The following PSMD1 variants were observed in gnomAD, a reference collection of about 807,000 sequenced individuals.
PSMD1 encodes 26S proteasome non-ATPase regulatory subunit 1.
In PSMD1, 18 loss-of-function variants were observed where a neutral mutation model predicts 119.0. The observed-to-expected ratio is 0.15, with a 90% CI of 0.10 to 0.22. The LOEUF is 0.22. PSMD1 is among the 10% of genes least tolerant of loss of function. PSMD1 has a pLI of 1.00. For synonymous variants in PSMD1, 374 were observed against 396.6 expected (o/e 0.94, Z 0.68); for missense variants, 702 against 1,158.5 (o/e 0.61, Z 5.72).
At chr2:231,139,755 G>A (rs72983619) in intron 17 of PSMD1, among the ~76,000 whole-genome samples, 25,085 of 151,958 alleles carry the variant, frequency 0.17, 2,222 homozygotes, top group Non-Finnish European at 0.17. Context: ...GCAAATCACC[G>A]ATGTGCTATT....
At position 231,126,130 on chromosome 2, in the gene PSMD1, C is replaced by T. The variant is rs183829409; in HGVS notation, c.1884-12606C>T. ...TATGAAAATATTTTAAGGCAAGGTG[C>T]GGTGGCTCATTCCTGTAATTCCAGC... On this transcript the variant is annotated intron_variant, in intron 16 of 24. Coordinates refer to ENST00000308696, the MANE Select transcript of PSMD1 (RefSeq NM_002807.4). Among the ~76,000 whole-genome samples, 55 of 152,154 alleles carry T rather than the reference C, an allele frequency of 3.6e-4. No homozygotes were observed. The East Asian group carries it at 4.1e-3, about 11-fold the overall frequency.
chr2:231,123,576 C>T lies in PSMD1; in HGVS notation c.1884-15160C>T, dbSNP rs763406105. 9 of 1,614,104 alleles carry T rather than the reference C, an allele frequency of 5.6e-6. No individual in the cohort carries two copies. The highest frequency in any genetic ancestry group is 7.6e-6 in the Non-Finnish European group (9 of 1,179,960). On this transcript the variant is annotated intron_variant, in intron 16 of 24. Coordinates refer to ENST00000308696, the MANE Select transcript of PSMD1 (RefSeq NM_002807.4). ...TTCCACCAATTGTGGGTATTATCACCATGAGTATCAGAAGAGCTGCCCAGT... is the reference window on the plus strand; with the variant it reads ...TTCCACCAATTGTGGGTATTATCACTATGAGTATCAGAAGAGCTGCCCAGT...
intron 12 of PSMD1, among the ~76,000 whole-genome samples, chr2:231,081,144 TAAAAAAAAAAAA>T (rs368987456): frequency 3.4e-4 from 25 of 74,050 alleles, no homozygotes; most frequent in African/African-American, 1.2e-3. Context: ...AAACTCTGTC[TAAAAAAAAAAAA>T]AAAAAAAAAA....
rs746559456 is a variant in PSMD1 at position 231,077,056 on chromosome 2, C to G, written c.965C>G (p.Thr322Ser). 1.2e-6 allele frequency: 2 copies of G among 1,603,076 alleles called. No individual in the cohort carries two copies. The highest frequency in any genetic ancestry group is 1.7e-6 in the Non-Finnish European group (2 of 1,176,402). Reference sequence around the variant, plus strand: ...CAGAGTCCAGAGCCTAAGGACCAGACTTTGAAAATGATTAAAATTTTAAGT... The same window carrying G: ...CAGAGTCCAGAGCCTAAGGACCAGAGTTTGAAAATGATTAAAATTTTAAGT... ...PEASPEPKDQTLKMIKILSGE... is the reference protein window; with the variant it reads ...PEASPEPKDQSLKMIKILSGE... Residue 322 changes from threonine (T) to serine (S), a missense_variant, in exon 9 of 25, where the codon ACT becomes AGT. Thr to Ser is a moderately conservative substitution (Grantham distance 58). Around this residue, in one of 9 missense-constraint regions of PSMD1, gnomAD observed 69 missense variants for 71.6 expected, o/e 0.96. Coordinates refer to ENST00000308696, the MANE Select transcript of PSMD1 (RefSeq NM_002807.4).
rs904815435 is a variant in PSMD1, at chr2:231,057,113, C to G, written c.16+72C>G. 4.9e-6 allele frequency: 7 copies of G among 1,421,806 alleles called. No homozygotes were observed. In the Admixed American group the frequency reaches 9.1e-5, roughly 18 times the overall value. The allele number at this position is 1,421,806 out of a possible 1,614,324, so 88.1% of individuals were successfully genotyped here. A position where few individuals can be genotyped will look rare whatever the true frequency, so the allele number is the denominator to read the frequency against. Reference sequence around the variant, plus strand: ...CGCCGGCTTTTAGCTGAGTCAGGGCCGGTGACTGGGCGCCTCCCGGCGGAA... The same window carrying G: ...CGCCGGCTTTTAGCTGAGTCAGGGCGGGTGACTGGGCGCCTCCCGGCGGAA... On this transcript the variant is annotated intron_variant, in intron 1 of 24. Coordinates refer to ENST00000308696, the MANE Select transcript of PSMD1 (RefSeq NM_002807.4).
chr2:231,097,442 G>A (rs1345251458), intron 16 of PSMD1, among the ~76,000 whole-genome samples: 1 of 152,178 alleles, frequency 6.6e-6, no homozygotes, highest in African/African-American at 2.4e-5. Context: ...TTGGGATAAA[G>A]GTGCAACATT....
intron 18 of PSMD1, among the ~76,000 whole-genome samples, chr2:231,152,081 G>A (rs1484481608): frequency 6.6e-6 from 1 of 152,056 alleles, no homozygotes; most frequent in Non-Finnish European, 1.5e-5. Flanking sequence ...CCCCCAAAGT[G>A]CTGGGATTAC....
intron 1 of PSMD1, among the ~76,000 whole-genome samples, chr2:231,059,937 A>G (rs956556030): frequency 5.3e-5 from 8 of 152,258 alleles, no homozygotes; most frequent in East Asian, 3.8e-4. Context: ...AGCCAGGACA[A>G]CCATGTAACC....
intron 16 of PSMD1, chr2:231,123,288 C>T (rs1455529087): frequency 6.5e-6 from 5 of 763,726 alleles, no homozygotes; most frequent in South Asian, 1.5e-5. Flanking sequence ...GTTTACTTGC[C>T]GTATCTTTAA....
chr2:231,077,481 G>A (rs80047456), intron 9 of PSMD1, among the ~76,000 whole-genome samples: 3,308 of 151,972 alleles, frequency 0.022, 131 homozygotes, highest in African/African-American at 0.075. Context: ...CTCTTGAGCC[G>A]CTTGCTTCAG....
intron 16 of PSMD1, among the ~76,000 whole-genome samples, chr2:231,102,682 G>A (rs1228586574): frequency 6.6e-6 from 1 of 151,972 alleles, no homozygotes; most frequent in Non-Finnish European, 1.5e-5. Flanking sequence ...GAAGAGGAGA[G>A]GTTGGTCTTG....
At chr2:231,110,312 T>C (rs1302216364) in intron 16 of PSMD1, among the ~76,000 whole-genome samples, 1 of 152,060 alleles carries the variant, frequency 6.6e-6, no homozygotes, top group Non-Finnish European at 1.5e-5. Context: ...AAAGTAAGAC[T>C]CTGTCTCAAA....
intron 16 of PSMD1, among the ~76,000 whole-genome samples, chr2:231,103,021 G>A (rs1694905862): frequency 6.6e-6 from 1 of 152,136 alleles, no homozygotes; most frequent in African/African-American, 2.4e-5. Context: ...AGGTTCCCTG[G>A]GAGTGAATCT....
intron 16 of PSMD1, among the ~76,000 whole-genome samples, chr2:231,096,350 G>C (rs1574725047): frequency 6.6e-6 from 1 of 152,274 alleles, no homozygotes; most frequent in East Asian, 1.9e-4. Flanking sequence ...GGCTGAGGGA[G>C]ATGGAGTCGG....
chr2:231,164,369 G>A (rs554008533), intron 21 of PSMD1, among the ~76,000 whole-genome samples: 1 of 152,220 alleles, frequency 6.6e-6, no homozygotes, highest in African/African-American at 2.4e-5. Flanking sequence ...TGTGTATGAG[G>A]ACACTCCTGT....
chr2:231,098,012 G>T (rs1694766478), intron 16 of PSMD1, among the ~76,000 whole-genome samples: 1 of 152,200 alleles, frequency 6.6e-6, no homozygotes, highest in Non-Finnish European at 1.5e-5. Flanking sequence ...GGAATGCTAA[G>T]TTTCCTCCCT....
chr2:231,079,889 C>A (rs1262359916), intron 11 of PSMD1, among the ~76,000 whole-genome samples: 1 of 150,686 alleles, frequency 6.6e-6, no homozygotes, highest in Non-Finnish European at 1.5e-5. Flanking sequence ...TGGATTTGGG[C>A]AAATGTTATA....
chr2:231,078,163 G>A (rs904092598), intron 9 of PSMD1, among the ~76,000 whole-genome samples: 1 of 152,170 alleles, frequency 6.6e-6, no homozygotes, highest in Non-Finnish European at 1.5e-5. Context: ...AGCTACTCGC[G>A]AGACTGAGGC....
chr2:231,100,738 G>C (rs930246866), intron 16 of PSMD1, among the ~76,000 whole-genome samples: 2 of 152,082 alleles, frequency 1.3e-5, no homozygotes, highest in Non-Finnish European at 2.9e-5. Context: ...CAAAACCAAG[G>C]CTCCGCTAGC....
Sources: allele counts gnomAD v4.1 joint callset (sites outside exome capture counted in the v4.1 genomes callset), GRCh38; gene constraint gnomAD v4.1.1; regional missense constraint gnomAD v4.1.1; transcripts MANE v1.5; gene names NCBI Gene and HGNC (gene_info 2026-07-23, HGNC 2026-07-21).